The following GRM5 variants were observed in gnomAD, a reference collection of about 807,000 sequenced individuals.
GRM5 encodes the protein glutamate metabotropic receptor 5, also known as metabotropic glutamate receptor 5.
GRM5 carries 19 observed loss-of-function variants against 83.1 expected under a neutral mutation model. The ratio of observed to expected loss-of-function variants is 0.23; its 90% CI spans 0.16 to 0.34. GRM5 has a LOEUF of 0.34. GRM5 is among the 10% of genes least tolerant of loss of function. The pLI, the probability that GRM5 is intolerant of heterozygous loss-of-function variation, is 1.00. For missense variants in GRM5, 1,160 were observed against 1,588.3 expected, an observed-to-expected ratio of 0.73 and a Z score of 4.58; for synonymous variants, 675 against 633.6, an observed-to-expected ratio of 1.07 and a Z score of -0.98.
At chr11:89,017,015 C>T (rs554085372) in intron 2 of GRM5, among the ~76,000 whole-genome samples, 1 of 152,090 alleles carries the variant, frequency 6.6e-6, no homozygotes, top group Non-Finnish European at 1.5e-5. Context: ...CACCAAGAAG[C>T]TTTCTTCATA....
intron 2 of GRM5, among the ~76,000 whole-genome samples, chr11:89,036,076 T>C (rs888187048): frequency 1.3e-5 from 2 of 152,066 alleles, no homozygotes; most frequent in African/African-American, 4.8e-5. Context: ...TCAAAAGTAC[T>C]TGAAGTATAG....
intron 4 of GRM5, among the ~76,000 whole-genome samples, chr11:88,622,565 T>C (rs1938667998): frequency 6.6e-6 from 1 of 152,252 alleles, no homozygotes; most frequent in East Asian, 1.9e-4. Context: ...GCTCAGCACA[T>C]AGCTCAGGAG....
intron 3 of GRM5, among the ~76,000 whole-genome samples, chr11:88,738,545 T>G (rs901368811): frequency 3.3e-5 from 5 of 152,106 alleles, no homozygotes; most frequent in Non-Finnish European, 4.4e-5. Context: ...CATTTAAACA[T>G]GAACAACTAT....
intron 2 of GRM5, among the ~76,000 whole-genome samples, chr11:89,037,197 T>A (rs990208240): frequency 1.3e-5 from 2 of 152,098 alleles, no homozygotes; most frequent in Non-Finnish European, 2.9e-5. Flanking sequence ...TTAGAAATGT[T>A]AATTTGTTAA....
chr11:89,041,972 C>T (rs972513826), intron 2 of GRM5, among the ~76,000 whole-genome samples: 6 of 152,158 alleles, frequency 3.9e-5, no homozygotes, highest in African/African-American at 9.7e-5. Context: ...ACCTTCGATA[C>T]GACCCAGGAA....
chr11:88,838,259 G>C (rs1382430153), intron 3 of GRM5, among the ~76,000 whole-genome samples: 1 of 152,040 alleles, frequency 6.6e-6, no homozygotes, highest in Non-Finnish European at 1.5e-5. Context: ...TATGCTCCAG[G>C]AGAGAAAAGC....
At chr11:89,039,260 G>A (rs900454201) in intron 2 of GRM5, among the ~76,000 whole-genome samples, 9 of 99,224 alleles carry the variant, frequency 9.1e-5, no homozygotes, top group African/African-American at 2.4e-4. Flanking sequence ...CTGAGACTCC[G>A]TTTCAAAATA....
At chr11:88,519,886 C>T (rs545447784) in intron 9 of GRM5, among the ~76,000 whole-genome samples, 7 of 152,160 alleles carry the variant, frequency 4.6e-5, no homozygotes, top group Non-Finnish European at 7.4e-5. Context: ...TTATATAATT[C>T]CATTTATTTT....
chr11:88,799,670 T>C (rs1313515094), intron 3 of GRM5, among the ~76,000 whole-genome samples: 1 of 152,146 alleles, frequency 6.6e-6, no homozygotes, highest in Non-Finnish European at 1.5e-5. Context: ...TAAGTTTAAA[T>C]ATGGATATAT....
intron 3 of GRM5, among the ~76,000 whole-genome samples, chr11:88,828,583 A>T (rs1208290028): frequency 6.6e-6 from 1 of 152,212 alleles, no homozygotes; most frequent in African/African-American, 2.4e-5. Context: ...TCCCATAAAA[A>T]GTAAAGAAAA....
chr11:88,923,782 G>A (rs557887186), intron 2 of GRM5, among the ~76,000 whole-genome samples: 8 of 151,464 alleles, frequency 5.3e-5, no homozygotes, highest in African/African-American at 1.7e-4. Context: ...ATTATGCATT[G>A]TATCCATGTA....
intron 3 of GRM5, among the ~76,000 whole-genome samples, chr11:88,809,158 T>A (rs1215900795): frequency 6.6e-6 from 1 of 152,056 alleles, no homozygotes; most frequent in Non-Finnish European, 1.5e-5. Context: ...CATTATCTCA[T>A]ATATTTCTTA....
At chr11:88,674,078 G>C (rs188041429) in intron 3 of GRM5, among the ~76,000 whole-genome samples, 1 of 151,932 alleles carries the variant, frequency 6.6e-6, no homozygotes. Flanking sequence ...AGAAATGTCA[G>C]TGTCAGAGTA....
chr11:88,792,831 T>G (rs12787064), intron 3 of GRM5, among the ~76,000 whole-genome samples: 5 of 152,162 alleles, frequency 3.3e-5, no homozygotes, highest in Non-Finnish European at 5.9e-5. Context: ...TGTATTTACA[T>G]ACGCTTAGAA....
At chr11:88,898,645 A>C (rs1340565664) in intron 2 of GRM5, among the ~76,000 whole-genome samples, 1 of 152,038 alleles carries the variant, frequency 6.6e-6, no homozygotes, top group Non-Finnish European at 1.5e-5. Flanking sequence ...ACACACACAC[A>C]CACACATAAA....
intron 8 of GRM5, among the ~76,000 whole-genome samples, chr11:88,545,200 CTTTA>C (rs968969524): frequency 1.3e-5 from 2 of 152,118 alleles, no homozygotes; most frequent in Non-Finnish European, 2.9e-5. Flanking sequence ...CTTGGACTTT[CTTTA>C]TTTATCTAGT....
At chr11:88,586,702 T>C (rs1943321708) in intron 7 of GRM5, among the ~76,000 whole-genome samples, 1 of 152,206 alleles carries the variant, frequency 6.6e-6, no homozygotes, top group Non-Finnish European at 1.5e-5. Flanking sequence ...CACACAGCTA[T>C]AGGCTCTTTG....
intron 3 of GRM5, among the ~76,000 whole-genome samples, chr11:88,836,317 G>C (rs953965644): frequency 6.6e-6 from 1 of 152,124 alleles, no homozygotes; most frequent in Non-Finnish European, 1.5e-5. Context: ...TGAAACTATC[G>C]TACAAAAATA....
At chr11:88,582,122 G>A (rs1235073442) in intron 7 of GRM5, among the ~76,000 whole-genome samples, 1 of 152,044 alleles carries the variant, frequency 6.6e-6, no homozygotes, top group East Asian at 1.9e-4. Flanking sequence ...CTATGGCAGG[G>A]ATACTTAATG....
Sources: allele counts gnomAD v4.1 joint callset (sites outside exome capture counted in the v4.1 genomes callset), GRCh38; gene constraint gnomAD v4.1.1; transcripts MANE v1.5; gene names NCBI Gene and HGNC (gene_info 2026-07-23, HGNC 2026-07-21).